The following AUTS2 variants were observed in gnomAD, a reference collection of about 807,000 sequenced individuals.
AUTS2 encodes autism susceptibility gene 2 protein.
In AUTS2, 17 loss-of-function variants were observed where a neutral mutation model predicts 112.4. That is an observed-to-expected ratio of 0.15 (90% CI 0.10 to 0.23). The LOEUF (loss-of-function observed/expected upper bound fraction) is 0.23, where lower values mean the gene tolerates loss of function less well. AUTS2 is among the 10% of genes least tolerant of loss of function. AUTS2 has a pLI of 1.00. For synonymous variants in AUTS2, 751 were observed against 702.7 expected (o/e 1.07, Z -1.09); for missense variants, 1,510 against 1,701.6 (o/e 0.89, Z 1.98).
At chr7:70,473,272 A>T (rs1444363678) in intron 5 of AUTS2, among the ~76,000 whole-genome samples, 1 of 152,234 alleles carries the variant, frequency 6.6e-6, no homozygotes, top group East Asian at 1.9e-4. Context: ...AAGTTTTATG[A>T]ATTTCAGCAT....
intron 4 of AUTS2, among the ~76,000 whole-genome samples, chr7:70,363,051 TATA>T (rs1792348234): frequency 6.6e-6 from 1 of 152,236 alleles, no homozygotes; most frequent in Admixed American, 6.5e-5. Context: ...TCTGTGTGTG[TATA>T]ATATTTTTGT....
At position 70,076,392 on chromosome 7, in the gene AUTS2, A is replaced by G. The variant is rs111595644; in HGVS notation, c.523-41740A>G. Among the ~76,000 whole-genome samples the G allele has an allele frequency of 1.6e-3, 250 of 152,314 alleles. 6 individuals are homozygous for G. Among genetic ancestry groups the G allele is most frequent in the African/African-American group, 5.7e-3 (236 of 41,562 alleles). On this transcript the variant is annotated intron_variant, in intron 2 of 18. Coordinates refer to ENST00000342771, the MANE Select transcript of AUTS2 (RefSeq NM_015570.4). ...AAACTAATCTTTTTTTCTCACCAACATTGTAGTGAAAAGATGTTGAACAAA... is the reference window on the plus strand; with the variant it reads ...AAACTAATCTTTTTTTCTCACCAACGTTGTAGTGAAAAGATGTTGAACAAA...
chr7:70,136,664 T>C (rs754356200), intron 4 of AUTS2, among the ~76,000 whole-genome samples: 1 of 152,178 alleles, frequency 6.6e-6, no homozygotes, highest in African/African-American at 2.4e-5. Context: ...GTAAGTGAAA[T>C]GGTAATTTTT....
chr7:70,027,537 C>A lies in AUTS2; in HGVS notation c.523-90595C>A, dbSNP rs111920876. 3.3e-5 allele frequency among the ~76,000 whole-genome samples: 5 copies of A among 152,268 alleles called. 1 individual carries two copies. The highest frequency in any genetic ancestry group is 1.3e-4 in the Admixed American group (2 of 15,306). On this transcript the variant is annotated intron_variant, in intron 2 of 18. Coordinates refer to ENST00000342771, the MANE Select transcript of AUTS2 (RefSeq NM_015570.4). ...TCACCTGGGAACTTGCTGGAAATGC[C>A]TGAACTAAACTTAAGACACTATATA...
intron 2 of AUTS2, among the ~76,000 whole-genome samples, chr7:70,101,153 C>T (rs1367431023): frequency 2.0e-5 from 3 of 152,162 alleles, no homozygotes; most frequent in African/African-American, 7.2e-5. Flanking sequence ...GCTGGGATTA[C>T]AGGCGTGAGC....
At chr7:70,695,873 C>A (rs1347961218) in intron 5 of AUTS2, among the ~76,000 whole-genome samples, 1 of 152,162 alleles carries the variant, frequency 6.6e-6, no homozygotes, top group Non-Finnish European at 1.5e-5. Flanking sequence ...CCACTTCATG[C>A]CCCTACCCTC....
chr7:69,642,133 A>G (rs961228476), intron 1 of AUTS2, among the ~76,000 whole-genome samples: 1 of 152,218 alleles, frequency 6.6e-6, no homozygotes, highest in Non-Finnish European at 1.5e-5. Context: ...ACTTCCATAG[A>G]GGTTTAAAAG....
chr7:70,216,151 G>T (rs1439382384), intron 4 of AUTS2, among the ~76,000 whole-genome samples: 1 of 152,108 alleles, frequency 6.6e-6, no homozygotes, highest in African/African-American at 2.4e-5. Context: ...CCATTTTGGG[G>T]TATTACAGCT....
intron 1 of AUTS2, among the ~76,000 whole-genome samples, chr7:69,612,449 A>G (rs1229106623): frequency 2.0e-5 from 3 of 151,304 alleles, no homozygotes; most frequent in African/African-American, 2.4e-5. Flanking sequence ...TTTTCTCCCT[A>G]TATTTCTATT....
chr7:69,639,341 A>G (rs966711196), intron 1 of AUTS2, among the ~76,000 whole-genome samples: 2 of 152,204 alleles, frequency 1.3e-5, no homozygotes, highest in African/African-American at 4.8e-5. Context: ...AACTCAAGAG[A>G]AAGGGGATAG....
At chr7:69,779,371 C>T (rs2129311146) in intron 1 of AUTS2, among the ~76,000 whole-genome samples, 1 of 152,270 alleles carries the variant, frequency 6.6e-6, no homozygotes, top group South Asian at 2.1e-4. Context: ...ATGGGAAGAG[C>T]TTGTTTCCTG....
chr7:70,249,937 T>A lies in AUTS2; in HGVS notation c.660+115366T>A, dbSNP rs186770539. The stretch of plus-strand genomic sequence containing the variant: ...TTTATTTTACTTTTAAAATATTAAT[T>A]TTTTACTTAAAACATTAATTTACTT... On this transcript the variant is annotated intron_variant, in intron 4 of 18. Transcript: ENST00000342771. Among the ~76,000 whole-genome samples the A allele has an allele frequency of 2.3e-3, 335 of 148,852 alleles. 2 individuals are homozygous for A. Among genetic ancestry groups the A allele is most frequent in the African/African-American group, 6.6e-3 (272 of 41,128 alleles).
intron 5 of AUTS2, among the ~76,000 whole-genome samples, chr7:70,457,385 C>A (rs1796783745): frequency 6.6e-6 from 1 of 152,130 alleles, no homozygotes; most frequent in African/African-American, 2.4e-5. Context: ...GATTTCCCTC[C>A]CCTTGTGTCC....
intron 5 of AUTS2, among the ~76,000 whole-genome samples, chr7:70,638,685 C>T (rs565066933): frequency 5.3e-5 from 8 of 152,204 alleles, no homozygotes; most frequent in South Asian, 2.1e-4. Flanking sequence ...AAAAGCCAAG[C>T]GCTTTAATCT....
intron 2 of AUTS2, among the ~76,000 whole-genome samples, chr7:69,956,506 A>C (rs1429179080): frequency 2.0e-5 from 3 of 152,202 alleles, no homozygotes; most frequent in Non-Finnish European, 4.4e-5. Flanking sequence ...TATAGAGTGG[A>C]AATCTTTACG....
intron 6 of AUTS2, among the ~76,000 whole-genome samples, chr7:70,747,631 GTTTTGT>G (rs530024962): frequency 8.8e-4 from 133 of 151,688 alleles, no homozygotes; most frequent in African/African-American, 2.5e-3. Flanking sequence ...GCTATGTTTT[GTTTTGT>G]TTTTGTTTTT....
At chr7:69,768,434 G>T (rs952467857) in intron 1 of AUTS2, among the ~76,000 whole-genome samples, 12 of 152,202 alleles carry the variant, frequency 7.9e-5, no homozygotes, top group African/African-American at 2.7e-4. Flanking sequence ...TACCTGCTCA[G>T]TTCAAACCCT....
rs181721515 is a variant in AUTS2, at chr7:70,329,914, C to T, written c.661-105838C>T. On this transcript the variant is annotated intron_variant, in intron 4 of 18. Transcript: ENST00000342771. ...GATTTGCTGTTGGGTGTGGGGTGCT[C>T]GCTCTGTTTCAAGATTACACCTTGT... Among the ~76,000 whole-genome samples the T allele has an allele frequency of 8.6e-5, 13 of 152,018 alleles. No individual in the cohort carries two copies. In the East Asian group the frequency reaches 1.9e-3, roughly 23 times the overall value.
intron 14 of AUTS2, among the ~76,000 whole-genome samples, chr7:70,777,594 C>T (rs1790790152): frequency 6.6e-6 from 1 of 152,202 alleles, no homozygotes; most frequent in Non-Finnish European, 1.5e-5. Context: ...CCACCTGAGC[C>T]TCCCAAGTAG....
Sources: allele counts gnomAD v4.1 joint callset (sites outside exome capture counted in the v4.1 genomes callset), GRCh38; gene constraint gnomAD v4.1.1; transcripts MANE v1.5; gene names NCBI Gene and HGNC (gene_info 2026-07-23, HGNC 2026-07-21).